The following TMEM150C variants were observed in gnomAD, a reference collection of about 807,000 sequenced individuals.
TMEM150C encodes the protein tentonin 3.
TMEM150C carries 10 observed loss-of-function variants against 29.9 expected under a neutral mutation model. The ratio of observed to expected loss-of-function variants is 0.33; its 90% CI spans 0.21 to 0.57. The LOEUF (loss-of-function observed/expected upper bound fraction) is 0.57. Among genes scored for constraint, TMEM150C ranks in the 20% least tolerant of loss-of-function variants. The probability of loss-of-function intolerance (pLI) is 0.88; values close to 1 mark genes in which losing one functional copy is unlikely to be tolerated. For synonymous variants in TMEM150C, 101 were observed against 112.5 expected (o/e 0.90, Z 0.64); for missense variants, 251 against 303.6 (o/e 0.83, Z 1.29).
At chr4:82,549,184 T>C (rs908393702) in intron 1 of TMEM150C, among the ~76,000 whole-genome samples, 2 of 152,252 alleles carry the variant, frequency 1.3e-5, no homozygotes, top group African/African-American at 4.8e-5. Context: ...TATATTCATA[T>C]GAATATATAC....
intron 5 of TMEM150C, among the ~76,000 whole-genome samples, chr4:82,497,725 T>C (rs901508749): frequency 1.3e-5 from 2 of 152,230 alleles, no homozygotes; most frequent in African/African-American, 4.8e-5. Flanking sequence ...TCTCAAACTA[T>C]TGGTTTGAGG....
At chr4:82,539,514 A>G (rs953019881) in intron 1 of TMEM150C, among the ~76,000 whole-genome samples, 16 of 151,280 alleles carry the variant, frequency 1.1e-4, no homozygotes, top group East Asian at 1.9e-4. Flanking sequence ...GTGCAGTGGC[A>G]CGATCTCGGC....
intron 1 of TMEM150C, among the ~76,000 whole-genome samples, chr4:82,557,581 G>A (rs1374560044): frequency 6.6e-6 from 1 of 152,096 alleles, no homozygotes; most frequent in African/African-American, 2.4e-5. Context: ...CCGACACGAG[G>A]GGCCAGGCAT....
intron 2 of TMEM150C, among the ~76,000 whole-genome samples, chr4:82,503,607 T>C (rs1227678544): frequency 6.6e-6 from 1 of 152,080 alleles, no homozygotes; most frequent in Non-Finnish European, 1.5e-5. Context: ...TCCCAGCACT[T>C]TGGGAGGCCG....
chr4:82,515,419 C>A (rs1724259752), intron 1 of TMEM150C, among the ~76,000 whole-genome samples: 1 of 152,030 alleles, frequency 6.6e-6, no homozygotes, highest in Admixed American at 6.6e-5. Context: ...GTGATTACTC[C>A]CAATATGACT....
chr4:82,561,429 C>G (rs967918596), intron 1 of TMEM150C, among the ~76,000 whole-genome samples: 4 of 152,214 alleles, frequency 2.6e-5, no homozygotes, highest in East Asian at 1.9e-4. Flanking sequence ...ACCTGGCTAA[C>G]CGCAAAGTGC....
At chr4:82,520,380 G>A (rs889590327) in intron 1 of TMEM150C, among the ~76,000 whole-genome samples, 12 of 152,116 alleles carry the variant, frequency 7.9e-5, no homozygotes, top group South Asian at 2.1e-4. Context: ...TGCTTTGTCC[G>A]CAGTCTGCCT....
At chr4:82,507,723 CTCTCTTTTTTTTTTTTTTT>C (rs1281188603) in intron 1 of TMEM150C, among the ~76,000 whole-genome samples, 6,539 of 85,918 alleles carry the variant, frequency 0.076, 978 homozygotes, top group Admixed American at 0.24. Flanking sequence ...CTCTCTCTCT[CTCTCTTTTTTTTTTTTTTT>C]TTTTTTTTTT....
chr4:82,491,344 G>C (rs1423045039), intron 6 of TMEM150C: 1 of 650,286 alleles, frequency 1.5e-6, no homozygotes, highest in Non-Finnish European at 2.7e-6. Context: ...TTAAGCAGCT[G>C]AGTAGCTGCT....
chr4:82,537,813 G>C (rs2110086015), intron 1 of TMEM150C, among the ~76,000 whole-genome samples: 1 of 152,310 alleles, frequency 6.6e-6, no homozygotes, highest in East Asian at 1.9e-4. Flanking sequence ...AAGGCCAGGA[G>C]CCACCAGAAG....
At chr4:82,557,826 C>T (rs908265801) in intron 1 of TMEM150C, among the ~76,000 whole-genome samples, 11 of 150,924 alleles carry the variant, frequency 7.3e-5, no homozygotes, top group Admixed American at 3.3e-4. Context: ...CTCTGCCTCT[C>T]CCGGGACCAA....
At chr4:82,492,778 A>T (rs1383388853) in intron 6 of TMEM150C, among the ~76,000 whole-genome samples, 2 of 135,426 alleles carry the variant, frequency 1.5e-5, no homozygotes, top group African/African-American at 2.8e-5. Flanking sequence ...CTTCACCAAG[A>T]CTATCCACTT....
rs1002788846 is a variant in TMEM150C, at chr4:82,546,473, A to G, written c.-11+15433T>C. 3.9e-5 allele frequency among the ~76,000 whole-genome samples: 6 copies of G among 152,164 alleles called. No homozygotes were observed. In the South Asian group the frequency reaches 8.3e-4, roughly 21 times the overall value. ...TGACAAAATTGACAAAAAATAGGCA[A>G]TGGGGAAAGGACTCCCTACTCAGTA... On this transcript the variant is annotated intron_variant, in intron 1 of 7. Transcript: ENST00000449862.
chr4:82,497,080 G>A (rs1390914910), intron 5 of TMEM150C, among the ~76,000 whole-genome samples: 1 of 152,188 alleles, frequency 6.6e-6, no homozygotes, highest in Non-Finnish European at 1.5e-5. Flanking sequence ...AATGAGGGAA[G>A]TTACTTAGAT....
At chr4:82,499,059 C>A (rs1258347128) in intron 5 of TMEM150C, among the ~76,000 whole-genome samples, 1 of 152,106 alleles carries the variant, frequency 6.6e-6, no homozygotes, top group Non-Finnish European at 1.5e-5. Context: ...AAAATAGATT[C>A]TAGCTGAATT....
At chr4:82,520,755 G>A (rs757466230) in intron 1 of TMEM150C, among the ~76,000 whole-genome samples, 1 of 152,148 alleles carries the variant, frequency 6.6e-6, no homozygotes, top group Non-Finnish European at 1.5e-5. Flanking sequence ...GTAGTGGCAG[G>A]TGCCTGTAGT....
chr4:82,507,039 G>A (rs1723943895), intron 1 of TMEM150C, among the ~76,000 whole-genome samples: 1 of 152,108 alleles, frequency 6.6e-6, no homozygotes, highest in Non-Finnish European at 1.5e-5. Context: ...GAATCTAGGA[G>A]CTGAAACCTA....
At chr4:82,535,441 A>G (rs1160335746) in intron 1 of TMEM150C, among the ~76,000 whole-genome samples, 1 of 152,154 alleles carries the variant, frequency 6.6e-6, no homozygotes, top group African/African-American at 2.4e-5. Context: ...TACAATCACA[A>G]TGGCAATTAA....
intron 1 of TMEM150C, among the ~76,000 whole-genome samples, chr4:82,546,764 T>A (rs1578154650): frequency 1.3e-5 from 2 of 151,798 alleles, no homozygotes; most frequent in South Asian, 4.2e-4. Flanking sequence ...GAGGTGGAGG[T>A]TGCAGTGAGC....
Sources: gnomAD v4.1 joint callset for allele counts (sites outside exome capture counted in the v4.1 genomes callset) on GRCh38, gnomAD v4.1.1 for gene constraint, MANE v1.5 for transcripts, NCBI Gene and HGNC (gene_info 2026-07-23, HGNC 2026-07-21) for gene names.